The following FBXL17 variants were observed in gnomAD, a reference collection of about 807,000 sequenced individuals.
FBXL17 encodes the protein F-box/LRR-repeat protein 17.
FBXL17 carries 22 observed loss-of-function variants against 66.2 expected under a neutral mutation model. That is an observed-to-expected ratio of 0.33 (90% CI 0.24 to 0.47). FBXL17 has a LOEUF of 0.47. FBXL17 is among the 20% of genes least tolerant of loss of function. The pLI is 1.00. For missense variants in FBXL17, 878 were observed against 948.2 expected (o/e 0.93, Z 0.97); for synonymous variants, 474 against 400.5 (o/e 1.18, Z -2.19).
At chr5:107,873,859 T>C (rs1426634008) in intron 8 of FBXL17, among the ~76,000 whole-genome samples, 4 of 152,202 alleles carry the variant, frequency 2.6e-5, no homozygotes, top group African/African-American at 9.6e-5. Context: ...CACAGCAATC[T>C]ATTCACCCTA....
intron 4 of FBXL17, among the ~76,000 whole-genome samples, chr5:108,291,841 A>G (rs1347741149): frequency 1.3e-5 from 2 of 152,170 alleles, no homozygotes; most frequent in Non-Finnish European, 1.5e-5. Context: ...TGCAAAAAAC[A>G]TTCTGAACCC....
chr5:108,317,660 A>G (rs1303769588), intron 4 of FBXL17, among the ~76,000 whole-genome samples: 1 of 151,430 alleles, frequency 6.6e-6, no homozygotes, highest in Non-Finnish European at 1.5e-5. Context: ...AATTTCAAAC[A>G]TCTTAATATG....
intron 6 of FBXL17, among the ~76,000 whole-genome samples, chr5:108,165,987 AG>A (rs1752401082): frequency 6.6e-6 from 1 of 152,196 alleles, no homozygotes; most frequent in Non-Finnish European, 1.5e-5. Flanking sequence ...TAGTAACCTA[AG>A]GAAGAAACCC....
At chr5:108,346,357 C>CTTAG (rs1747279398) in intron 4 of FBXL17, among the ~76,000 whole-genome samples, 1 of 151,878 alleles carries the variant, frequency 6.6e-6, no homozygotes, top group South Asian at 2.1e-4. Flanking sequence ...AACTGATGCC[C>CTTAG]TTAGCATTTA....
intron 4 of FBXL17, among the ~76,000 whole-genome samples, chr5:108,235,925 T>A (rs1045373684): frequency 7.2e-5 from 11 of 152,202 alleles, no homozygotes; most frequent in African/African-American, 2.7e-4. Flanking sequence ...AACTATTGAT[T>A]TTATTGGTTC....
chr5:108,348,336 A>G (rs1372324917), intron 4 of FBXL17, 63 bp downstream of exon 4: 2 of 1,414,322 alleles, frequency 1.4e-6, no homozygotes, highest in Non-Finnish European at 1.9e-6. Flanking sequence ...TTATAAATAA[A>G]CTTGAAAGAA....
intron 6 of FBXL17, among the ~76,000 whole-genome samples, chr5:108,182,957 A>G (rs1753065716): frequency 6.6e-6 from 1 of 152,112 alleles, no homozygotes; most frequent in South Asian, 2.1e-4. Context: ...TCTCCCATTA[A>G]ATGACTCTTC....
intron 4 of FBXL17, among the ~76,000 whole-genome samples, chr5:108,250,040 A>G (rs2150111878): frequency 6.6e-6 from 1 of 152,280 alleles, no homozygotes; most frequent in South Asian, 2.1e-4. Flanking sequence ...CCAAGAGCCC[A>G]TATAAATCTC....
intron 6 of FBXL17, among the ~76,000 whole-genome samples, chr5:108,094,957 G>T (rs1749316349): frequency 6.6e-6 from 1 of 151,728 alleles, no homozygotes; most frequent in South Asian, 2.1e-4. Flanking sequence ...CATTTTATCA[G>T]AGCACTTCAA....
rs182197078 is a variant in FBXL17 at position 108,036,587 on chromosome 5, T to C, written c.1746-15586A>G. On this transcript the variant is annotated intron_variant, in intron 6 of 8. Transcript: ENST00000542267. ...AGACCCAAGCGCTTATGTCTTCTCATAGTGACCATTGCTCCTAACCCCTAG... is the reference window on the plus strand; with the variant it reads ...AGACCCAAGCGCTTATGTCTTCTCACAGTGACCATTGCTCCTAACCCCTAG... 3.0e-3 allele frequency among the ~76,000 whole-genome samples: 459 copies of C among 152,318 alleles called. 2 individuals carry two copies. The highest frequency in any genetic ancestry group is 0.01 in the African/African-American group (429 of 41,576).
At chr5:107,871,069 A>AACAAAAACAAAAAC (rs1554080839) in intron 8 of FBXL17, among the ~76,000 whole-genome samples, 1 of 130,174 alleles carries the variant, frequency 7.7e-6, no homozygotes, top group South Asian at 2.3e-4. Context: ...AAAAAAAAAA[A>AACAAAAACAAAAAC]AAAAAAAAAA....
At chr5:108,376,044 G>A (rs1447047456) in intron 1 of FBXL17, among the ~76,000 whole-genome samples, 1 of 152,144 alleles carries the variant, frequency 6.6e-6, no homozygotes, top group Non-Finnish European at 1.5e-5. Flanking sequence ...CATCTCAACT[G>A]ATTCAGGAAA....
chr5:108,097,622 C>CTAGTA (rs1162773769), intron 6 of FBXL17, among the ~76,000 whole-genome samples: 1 of 151,836 alleles, frequency 6.6e-6, no homozygotes. Flanking sequence ...AACCCCGTCT[C>CTAGTA]TACTAAAAAC....
chr5:107,940,980 A>T (rs531406272), intron 7 of FBXL17, among the ~76,000 whole-genome samples: 5 of 152,166 alleles, frequency 3.3e-5, no homozygotes, highest in Admixed American at 1.3e-4. Flanking sequence ...GGCTTCTAAT[A>T]TCTAATTTAT....
At chr5:107,946,258 TATATATATATATATATATATATATATA>T (rs1751278804) in intron 7 of FBXL17, among the ~76,000 whole-genome samples, 8 of 21,992 alleles carry the variant, frequency 3.6e-4, no homozygotes, top group East Asian at 3.3e-3. Flanking sequence ...TCTCATTTTA[TATATATATATATATATATATATATATA>T]TATATATATA....
intron 1 of FBXL17, among the ~76,000 whole-genome samples, chr5:108,375,033 T>C (rs1749324210): frequency 6.6e-6 from 1 of 151,762 alleles, no homozygotes; most frequent in Non-Finnish European, 1.5e-5. Flanking sequence ...AAATAATAGA[T>C]GATCAACAAA....
At chr5:108,050,206 G>A (rs1452250285) in intron 6 of FBXL17, among the ~76,000 whole-genome samples, 5 of 152,254 alleles carry the variant, frequency 3.3e-5, no homozygotes, top group Admixed American at 6.5e-5. Context: ...AAGGATATTC[G>A]GGACTTGAAC....
chr5:107,889,845 T>A (rs1156573317), intron 7 of FBXL17, among the ~76,000 whole-genome samples: 1 of 152,150 alleles, frequency 6.6e-6, no homozygotes, highest in Non-Finnish European at 1.5e-5. Flanking sequence ...TTTGATTGAG[T>A]ATGTAGAAAT....
chr5:108,235,503 A>G (rs1755560584), intron 4 of FBXL17, among the ~76,000 whole-genome samples: 1 of 152,162 alleles, frequency 6.6e-6, no homozygotes, highest in Admixed American at 6.6e-5. Flanking sequence ...AACCTACACA[A>G]TGGACCTCCT....
Sources: allele counts gnomAD v4.1 joint callset (sites outside exome capture counted in the v4.1 genomes callset), GRCh38; gene constraint gnomAD v4.1.1; transcripts MANE v1.5; gene names NCBI Gene and HGNC (gene_info 2026-07-23, HGNC 2026-07-21).